CNTNAP2: variants seen among roughly 807,000 people sequenced by gnomAD.
The protein encoded by CNTNAP2 is contactin-associated protein-like 2.
A neutral mutation model predicts 155.2 loss-of-function variants in CNTNAP2; 98 were observed. That is an observed-to-expected ratio of 0.63 (90% CI 0.54 to 0.75). CNTNAP2 has a LOEUF of 0.75. CNTNAP2 is among the 30% of genes least tolerant of loss of function. CNTNAP2 has a pLI of 0.00. For missense variants in CNTNAP2, 1,727 were observed against 1,688.1 expected (o/e 1.02, Z -0.40); for synonymous variants, 651 against 631.2 (o/e 1.03, Z -0.47).
chr7:146,998,110 T>C (rs1009276705), intron 3 of CNTNAP2, among the ~76,000 whole-genome samples: 3 of 152,020 alleles, frequency 2.0e-5, no homozygotes, highest in Non-Finnish European at 4.4e-5. Flanking sequence ...CTTTAGTAGT[T>C]CTTTGAGATA....
intron 8 of CNTNAP2, among the ~76,000 whole-genome samples, chr7:147,262,719 T>C (rs1804504820): frequency 1.3e-5 from 2 of 152,008 alleles, no homozygotes; most frequent in African/African-American, 2.4e-5. Context: ...GGCAGGAGAA[T>C]GGCATGAACC....
At chr7:146,651,068 C>T (rs1799903331) in intron 1 of CNTNAP2, among the ~76,000 whole-genome samples, 3 of 151,884 alleles carry the variant, frequency 2.0e-5, no homozygotes, top group Admixed American at 2.0e-4. Flanking sequence ...AACAGACTAT[C>T]ACACTCTAAT....
intron 1 of CNTNAP2, among the ~76,000 whole-genome samples, chr7:146,142,391 G>A (rs1299896851): frequency 6.6e-6 from 1 of 152,096 alleles, no homozygotes; most frequent in African/African-American, 2.4e-5. Flanking sequence ...TTTGTGCAAG[G>A]TACAAACTTT....
At chr7:146,702,701 T>G (rs1800897533) in intron 1 of CNTNAP2, among the ~76,000 whole-genome samples, 1 of 152,170 alleles carries the variant, frequency 6.6e-6, no homozygotes, top group African/African-American at 2.4e-5. Context: ...AAACTTCAAT[T>G]ATCTGGAAAC....
intron 3 of CNTNAP2, among the ~76,000 whole-genome samples, chr7:146,956,608 C>A (rs1358015743): frequency 1.3e-5 from 2 of 152,154 alleles, no homozygotes; most frequent in African/African-American, 4.8e-5. Context: ...AGAAAACAGA[C>A]AGTATTATGA....
At chr7:147,640,111 AT>A (rs1795248837) in intron 13 of CNTNAP2, among the ~76,000 whole-genome samples, 1 of 152,050 alleles carries the variant, frequency 6.6e-6, no homozygotes, top group Non-Finnish European at 1.5e-5. Context: ...TCTTTTTAAA[AT>A]TTTACCTTAA....
chr7:147,608,492 G>C (rs112984276), intron 12 of CNTNAP2, among the ~76,000 whole-genome samples: 3 of 151,980 alleles, frequency 2.0e-5, no homozygotes, highest in African/African-American at 7.2e-5. Context: ...TGGAAAGACA[G>C]AGTCTCACCG....
intron 1 of CNTNAP2, among the ~76,000 whole-genome samples, chr7:146,226,956 T>A (rs1191285590): frequency 2.0e-5 from 3 of 152,184 alleles, no homozygotes; most frequent in Non-Finnish European, 2.9e-5. Flanking sequence ...AATAGTCATA[T>A]CCATTGACTC....
intron 1 of CNTNAP2, among the ~76,000 whole-genome samples, chr7:146,118,216 G>A (rs1797514823): frequency 6.6e-6 from 1 of 152,114 alleles, no homozygotes; most frequent in Non-Finnish European, 1.5e-5. Flanking sequence ...ATCTTCCTAA[G>A]TACAGTATTA....
At chr7:147,787,739 T>C (rs1021651249) in intron 13 of CNTNAP2, among the ~76,000 whole-genome samples, 2 of 152,220 alleles carry the variant, frequency 1.3e-5, no homozygotes, top group African/African-American at 4.8e-5. Context: ...ACTTTTTTCA[T>C]TTTATAATAA....
intron 9 of CNTNAP2, among the ~76,000 whole-genome samples, chr7:147,342,906 C>A (rs1295203389): frequency 1.3e-5 from 2 of 152,072 alleles, no homozygotes; most frequent in Non-Finnish European, 2.9e-5. Context: ...GTATTCCTTC[C>A]TTTATATATA....
chr7:147,204,814 T>C (rs1802988289), intron 8 of CNTNAP2, among the ~76,000 whole-genome samples: 1 of 152,186 alleles, frequency 6.6e-6, no homozygotes, highest in Non-Finnish European at 1.5e-5. Context: ...AAAATGTTAA[T>C]ACTAAGCAAT....
At chr7:147,050,661 T>C (rs1799456065) in intron 4 of CNTNAP2, among the ~76,000 whole-genome samples, 1 of 152,172 alleles carries the variant, frequency 6.6e-6, no homozygotes, top group African/African-American at 2.4e-5. Flanking sequence ...CTAACTCCCC[T>C]CACTCTCATT....
In CNTNAP2 at chr7:146,695,442, TCTCA is replaced by T. The variant is rs148802712; in HGVS notation, c.98-78825_98-78822del. On this transcript the variant is annotated intron_variant, in intron 1 of 23. Transcript: ENST00000361727. ...ATTAATTATTTTTTTTGAGACAGGG[TCTCA>T]CTCTGTCACCCAGGCTGGAATGCAG... Among the ~76,000 whole-genome samples the T allele has an allele frequency of 3.1e-3, 478 of 152,224 alleles. 5 individuals carry two copies. The highest frequency in any genetic ancestry group is 0.011 in the African/African-American group (442 of 41,554).
intron 1 of CNTNAP2, among the ~76,000 whole-genome samples, chr7:146,139,273 T>C (rs963319708): frequency 2.0e-5 from 3 of 152,156 alleles, no homozygotes; most frequent in African/African-American, 7.2e-5. Flanking sequence ...CACACCATTG[T>C]AAAGTCAAAA....
intron 1 of CNTNAP2, among the ~76,000 whole-genome samples, chr7:146,385,240 G>A (rs925387441): frequency 6.6e-6 from 1 of 151,598 alleles, no homozygotes; most frequent in African/African-American, 2.4e-5. Context: ...TAATCTTGTT[G>A]CTCTTCCAGG....
chr7:146,889,017 A>T (rs1795727805), intron 3 of CNTNAP2, among the ~76,000 whole-genome samples: 4 of 152,044 alleles, frequency 2.6e-5, no homozygotes, highest in Non-Finnish European at 5.9e-5. Context: ...ACACACATGC[A>T]CACACAGAAA....
intron 13 of CNTNAP2, among the ~76,000 whole-genome samples, chr7:147,677,862 T>C (rs973467868): frequency 2.0e-5 from 3 of 151,752 alleles, no homozygotes; most frequent in Non-Finnish European, 4.4e-5. Flanking sequence ...TCCTATCTTG[T>C]CTCATTGTTC....
chr7:147,400,291 G>T (rs1269316139), intron 10 of CNTNAP2, among the ~76,000 whole-genome samples: 1 of 152,066 alleles, frequency 6.6e-6, no homozygotes, highest in Non-Finnish European at 1.5e-5. Context: ...AGTCAGGGAG[G>T]GTATTAGGGG....
Sources: gnomAD v4.1 joint callset for allele counts (sites outside exome capture counted in the v4.1 genomes callset) on GRCh38, gnomAD v4.1.1 for gene constraint, MANE v1.5 for transcripts, NCBI Gene and HGNC (gene_info 2026-07-23, HGNC 2026-07-21) for gene names.